The following FHIT variants were observed in gnomAD, a reference collection of about 807,000 sequenced individuals.
FHIT encodes the protein bis(5'-adenosyl)-triphosphatase.
Under a neutral mutation model 17.9 loss-of-function variants are expected in FHIT, and 19 were observed. The ratio of observed to expected loss-of-function variants is 1.06; its 90% CI spans 0.74 to 1.56. The LOEUF (loss-of-function observed/expected upper bound fraction) is 1.56, where lower values mean the gene tolerates loss of function less well. Ranked by LOEUF, FHIT falls within the 40% of genes most tolerant of loss-of-function variation. The pLI, the probability that FHIT is intolerant of heterozygous loss-of-function variation, is 0.00. For missense variants in FHIT, 248 were observed against 189.2 expected (o/e 1.31, Z -1.82); for synonymous variants, 81 against 69.7 (o/e 1.16, Z -0.81).
intron 5 of FHIT, among the ~76,000 whole-genome samples, chr3:60,113,961 C>A (rs1485710709): frequency 1.7e-5 from 2 of 119,764 alleles, no homozygotes; most frequent in Non-Finnish European, 3.3e-5. Flanking sequence ...GACATCGCGC[C>A]ACAGCACTCC....
intron 4 of FHIT, among the ~76,000 whole-genome samples, chr3:60,588,447 G>C (rs1213225521): frequency 2.0e-5 from 3 of 151,428 alleles, no homozygotes; most frequent in Admixed American, 1.3e-4. Flanking sequence ...GAAGGAGAAA[G>C]AGAGGGGAAG....
At chr3:60,335,425 T>A (rs996088760) in intron 5 of FHIT, among the ~76,000 whole-genome samples, 1 of 152,196 alleles carries the variant, frequency 6.6e-6, no homozygotes, top group East Asian at 1.9e-4. Flanking sequence ...ACATAGCTGA[T>A]AAACTGAAGA....
chr3:60,736,476 T>C (rs1359405464), intron 4 of FHIT, among the ~76,000 whole-genome samples: 1 of 152,154 alleles, frequency 6.6e-6, no homozygotes, highest in African/African-American at 2.4e-5. Flanking sequence ...AGAAATGAAG[T>C]TCTGTTACAT....
At chr3:60,299,587 A>G (rs977423424) in intron 5 of FHIT, among the ~76,000 whole-genome samples, 1 of 152,046 alleles carries the variant, frequency 6.6e-6, no homozygotes, top group Non-Finnish European at 1.5e-5. Context: ...GCAGGGGAGA[A>G]AGTCCTAATT....
intron 4 of FHIT, among the ~76,000 whole-genome samples, chr3:60,611,773 AG>A (rs1553673687): frequency 6.6e-6 from 1 of 152,188 alleles, no homozygotes; most frequent in African/African-American, 2.4e-5. Context: ...ATGCCCTCGT[AG>A]GAGGAACTAT....
chr3:60,641,209 C>A (rs1482623752), intron 4 of FHIT, among the ~76,000 whole-genome samples: 1 of 151,980 alleles, frequency 6.6e-6, no homozygotes, highest in African/African-American at 2.4e-5. Flanking sequence ...GGAAAAAATA[C>A]ATGTGCTCAA....
intron 5 of FHIT, among the ~76,000 whole-genome samples, chr3:60,219,561 A>G (rs762259155): frequency 1.4e-4 from 21 of 152,190 alleles, no homozygotes; most frequent in Non-Finnish European, 2.6e-4. Context: ...TTAGAGAAAC[A>G]TCAATTTAAA....
intron 3 of FHIT, among the ~76,000 whole-genome samples, chr3:60,861,562 A>G (rs1361869262): frequency 2.0e-5 from 3 of 151,864 alleles, no homozygotes; most frequent in African/African-American, 7.3e-5. Flanking sequence ...AGCAGCCCAC[A>G]CTGGCCAAAA....
intron 5 of FHIT, among the ~76,000 whole-genome samples, chr3:60,371,847 T>G (rs967540977): frequency 5.3e-5 from 8 of 151,180 alleles, no homozygotes; most frequent in African/African-American, 1.9e-4. Context: ...GTGGGGTTTT[T>G]TTTTTTTTTT....
At chr3:60,535,587 G>C (rs1350090411) in intron 5 of FHIT, among the ~76,000 whole-genome samples, 1 of 137,492 alleles carries the variant, frequency 7.3e-6, no homozygotes, top group Non-Finnish European at 1.6e-5. Context: ...AATCATTCTA[G>C]TGTTTTTTTT....
intron 4 of FHIT, chr3:60,730,645 T>C (rs2042008235): frequency 6.5e-6 from 1 of 152,800 alleles, no homozygotes; most frequent in Admixed American, 6.5e-5. Flanking sequence ...GTCACCACAG[T>C]GGGGCTGGAG....
chr3:59,876,091 G>C (rs1178432107), intron 8 of FHIT, among the ~76,000 whole-genome samples: 1 of 151,990 alleles, frequency 6.6e-6, no homozygotes, highest in African/African-American at 2.4e-5. Context: ...GGGACACCTG[G>C]TAGATGTAAT....
At chr3:60,880,720 G>C (rs1704928136) in intron 3 of FHIT, among the ~76,000 whole-genome samples, 1 of 149,074 alleles carries the variant, frequency 6.7e-6, no homozygotes, top group Non-Finnish European at 1.5e-5. Flanking sequence ...CAACAAGAGT[G>C]AAACTCATCT....
intron 4 of FHIT, among the ~76,000 whole-genome samples, chr3:60,661,592 T>C (rs1347488740): frequency 2.0e-5 from 3 of 152,222 alleles, no homozygotes; most frequent in Non-Finnish European, 4.4e-5. Flanking sequence ...TTGGATCAAA[T>C]GGTAGTTTTA....
At chr3:60,251,293 C>A (rs1346772370) in intron 5 of FHIT, among the ~76,000 whole-genome samples, 4 of 152,086 alleles carry the variant, frequency 2.6e-5, no homozygotes, top group African/African-American at 9.7e-5. Context: ...TTATGGAATG[C>A]CTTGGCTCTC....
In FHIT at chr3:60,434,023, C is replaced by T. The variant is rs141241010; in HGVS notation, c.103+102837G>A. 3.8e-3 allele frequency among the ~76,000 whole-genome samples: 579 copies of T among 152,194 alleles called. 3 individuals carry two copies. Among genetic ancestry groups the T allele is most frequent in the African/African-American group, 0.013 (559 of 41,568 alleles). On this transcript the variant is annotated intron_variant, in intron 5 of 9. Transcript: ENST00000492590. ...AAGGAGATTTCCCCATTTCCTTCTA[C>T]AGACGTTATAGATTCAGGTTTTACT...
In FHIT at chr3:60,329,208, C is replaced by CT. The variant is rs528792885; in HGVS notation, c.103+207651dup. On this transcript the variant is annotated intron_variant, in intron 5 of 9. Transcript: ENST00000492590. ...ACCTATTTATACAAGAGATTTTCTACTTTTTTTTTTCTAATTTAGCTAACC... is the reference window on the plus strand; with the variant it reads ...ACCTATTTATACAAGAGATTTTCTACTTTTTTTTTTTCTAATTTAGCTAACC... Among the ~76,000 whole-genome samples the CT allele has an allele frequency of 6.2e-4, 93 of 150,166 alleles. No individual in the cohort carries two copies. The South Asian group carries it at 0.012, about 20-fold the overall frequency.
Position 59,990,827 on chromosome 3 carries a change from T to G in FHIT, c.279+20544A>C, listed in dbSNP as rs141176788. 5.9e-4 allele frequency among the ~76,000 whole-genome samples: 90 copies of G among 152,182 alleles called. No individual in the cohort carries two copies. The East Asian group carries it at 0.014, about 24-fold the overall frequency. On this transcript the variant is annotated intron_variant, in intron 7 of 9. Transcript: ENST00000492590. ...TTAGAACAGAGGCAAGACTGCTCAC[T>G]CATTAAGTCATTTTAAAAATAGTCA...
intron 5 of FHIT, among the ~76,000 whole-genome samples, chr3:60,423,451 A>G (rs1332622766): frequency 4.6e-5 from 7 of 152,154 alleles, no homozygotes; most frequent in African/African-American, 1.7e-4. Context: ...GCATGCTTAT[A>G]TAATTATCAG....
Sources: allele counts gnomAD v4.1 joint callset (sites outside exome capture counted in the v4.1 genomes callset), GRCh38; gene constraint gnomAD v4.1.1; transcripts MANE v1.5; gene names NCBI Gene and HGNC (gene_info 2026-07-23, HGNC 2026-07-21).